The following ANKRD44 variants were observed in gnomAD, a reference collection of about 807,000 sequenced individuals.
ANKRD44 encodes the protein ankyrin repeat domain 44.
Under a neutral mutation model 116.0 loss-of-function variants are expected in ANKRD44, and 35 were observed. The observed-to-expected ratio is 0.30, with a 90% CI of 0.23 to 0.40. ANKRD44 has a LOEUF of 0.40. ANKRD44 is among the 10% of genes least tolerant of loss of function. The pLI is 1.00. For synonymous variants in ANKRD44, 435 were observed against 461.8 expected (o/e 0.94, Z 0.74); for missense variants, 1,014 against 1,242.6 (o/e 0.82, Z 2.77).
intron 1 of ANKRD44, among the ~76,000 whole-genome samples, chr2:197,268,352 T>A (rs2082795561): frequency 6.6e-6 from 1 of 152,194 alleles, no homozygotes. Flanking sequence ...AGATGACAAG[T>A]TATCCAAGAA....
intron 2 of ANKRD44, among the ~76,000 whole-genome samples, chr2:197,153,067 C>T (rs1298693606): frequency 4.0e-5 from 6 of 151,292 alleles, no homozygotes; most frequent in African/African-American, 7.3e-5. Flanking sequence ...ATCAGCTGGG[C>T]GTGGTAGCAT....
intron 17 of ANKRD44, among the ~76,000 whole-genome samples, chr2:197,024,520 C>G (rs1355560646): frequency 1.3e-5 from 2 of 152,232 alleles, no homozygotes; most frequent in African/African-American, 4.8e-5. Context: ...GGTGGGTGCA[C>G]TTCCCACCTT....
chr2:197,266,398 T>G (rs1341234474), intron 1 of ANKRD44, among the ~76,000 whole-genome samples: 3 of 152,132 alleles, frequency 2.0e-5, no homozygotes, highest in Admixed American at 6.6e-5. Context: ...AGAGAGCCAG[T>G]TAAGCCACTA....
chr2:197,248,554 A>G (rs373758143), intron 1 of ANKRD44, among the ~76,000 whole-genome samples: 8 of 135,324 alleles, frequency 5.9e-5, no homozygotes, highest in East Asian at 4.7e-4. Context: ...ATATATGTAT[A>G]TGTGTGTGTG....
At chr2:196,984,086 C>A (rs1428089170), downstream of ANKRD44, among the ~76,000 whole-genome samples, 1 of 152,134 alleles carries the variant, frequency 6.6e-6, no homozygotes. Context: ...TTTATGCAAT[C>A]CCTTGTGAAA....
At chr2:197,260,688 C>T (rs1054305146) in intron 1 of ANKRD44, among the ~76,000 whole-genome samples, 4 of 152,056 alleles carry the variant, frequency 2.6e-5, no homozygotes, top group African/African-American at 4.8e-5. Context: ...AACTAGTTTA[C>T]AGTCCCACCA....
intron 10 of ANKRD44, among the ~76,000 whole-genome samples, chr2:197,098,840 C>A (rs1188987046): frequency 6.6e-6 from 1 of 152,082 alleles, no homozygotes; most frequent in East Asian, 1.9e-4. Flanking sequence ...GCAAGGGGCT[C>A]AAAGTCACAT....
At chr2:197,127,585 A>G (rs1340833576) in intron 4 of ANKRD44, among the ~76,000 whole-genome samples, 1 of 152,210 alleles carries the variant, frequency 6.6e-6, no homozygotes, top group Non-Finnish European at 1.5e-5. Context: ...TATACAAGGT[A>G]AAAAAGAAAC....
At chr2:197,117,533 T>C (rs2078741732) in intron 8 of ANKRD44, among the ~76,000 whole-genome samples, 1 of 152,076 alleles carries the variant, frequency 6.6e-6, no homozygotes, top group African/African-American at 2.4e-5. Context: ...CCACCGCGCC[T>C]GGCCAATTTT....
intron 10 of ANKRD44, among the ~76,000 whole-genome samples, chr2:197,098,301 T>C (rs1329110407): frequency 1.3e-5 from 2 of 152,198 alleles, no homozygotes; most frequent in East Asian, 1.9e-4. Context: ...CATTATATCC[T>C]ACCAATCTAC....
chr2:197,112,997 A>C (rs925714288), intron 8 of ANKRD44, among the ~76,000 whole-genome samples: 6 of 147,000 alleles, frequency 4.1e-5, no homozygotes, highest in African/African-American at 1.0e-4. Context: ...AAAAAAAAAA[A>C]CATGTATCAT....
At chr2:196,993,087 T>C (rs1415772739) in intron 27 of ANKRD44, among the ~76,000 whole-genome samples, 1 of 152,296 alleles carries the variant, frequency 6.6e-6, no homozygotes, top group East Asian at 1.9e-4. Context: ...AGACGTTAAT[T>C]AAGAAATTTT....
chr2:196,968,721 G>A (rs1344143838), intron 21 of ANKRD44, among the ~76,000 whole-genome samples: 1 of 152,178 alleles, frequency 6.6e-6, no homozygotes, highest in Non-Finnish European at 1.5e-5. Flanking sequence ...TGATCTCACA[G>A]CTTGTTCTAC....
In ANKRD44 at chr2:197,201,564, A is replaced by G. The variant is rs760819073; in HGVS notation, c.28-14458T>C. On this transcript the variant is annotated intron_variant, in intron 1 of 27. Transcript: ENST00000282272. This position sits in a 1 kb window ranked among gnomAD's most constrained non-coding sequence, Gnocchi z 4.0. ...ACAATCCCCCTGACGTTGGCTCTGA[A>G]TGATGTGGAGACCCTGTTAGTGTCG... 1.3e-5 allele frequency among the ~76,000 whole-genome samples: 2 copies of G among 152,158 alleles called. No homozygotes were observed. The highest frequency in any genetic ancestry group is 2.4e-5 in the African/African-American group (1 of 41,442).
rs528715558 is a variant in ANKRD44 at position 197,192,896 on chromosome 2, A to T, written c.28-5790T>A. The stretch of plus-strand genomic sequence containing the variant: ...CTGAGTCCTTATAAATACATTTTTT[A>T]AAAAATCAGGGAGTGAGGCAGGACT... On this transcript the variant is annotated intron_variant, in intron 1 of 27. Coordinates refer to ENST00000282272, the MANE Select transcript of ANKRD44 (RefSeq NM_001195144.2). Among the ~76,000 whole-genome samples, 8 of 152,314 alleles carry T rather than the reference A, an allele frequency of 5.3e-5. No individual in the cohort carries two copies. The East Asian group carries it at 1.5e-3, about 29-fold the overall frequency.
At chr2:196,979,056 T>C (rs1433767511) in intron 21 of ANKRD44, among the ~76,000 whole-genome samples, 1 of 152,092 alleles carries the variant, frequency 6.6e-6, no homozygotes, top group Non-Finnish European at 1.5e-5. Context: ...CATGAGTTCT[T>C]GAGATAATAA....
chr2:197,097,384 C>T (rs995668915), intron 10 of ANKRD44, among the ~76,000 whole-genome samples: 8 of 152,182 alleles, frequency 5.3e-5, no homozygotes, highest in African/African-American at 1.9e-4. Flanking sequence ...TTAATTAACA[C>T]TGAGCATTTA....
intron 16 of ANKRD44, among the ~76,000 whole-genome samples, chr2:197,041,616 C>G (rs2124957059): frequency 6.6e-6 from 1 of 152,268 alleles, no homozygotes; most frequent in South Asian, 2.1e-4. Context: ...TCATTCAGCA[C>G]ACTTCAGTAG....
intron 1 of ANKRD44, among the ~76,000 whole-genome samples, chr2:197,191,966 A>G (rs1480380358): frequency 6.6e-6 from 1 of 152,192 alleles, no homozygotes; most frequent in East Asian, 1.9e-4. Flanking sequence ...CCATGAAAAA[A>G]ATATGCTACT....
Sources: gnomAD v4.1 joint callset for allele counts (sites outside exome capture counted in the v4.1 genomes callset) on GRCh38, gnomAD v4.1.1 for gene constraint, Gnocchi (gnomAD v3.1) non-coding constraint, MANE v1.5 for transcripts, NCBI Gene and HGNC (gene_info 2026-07-23, HGNC 2026-07-21) for gene names.